KIAA1328: variants seen among roughly 807,000 people sequenced by gnomAD.
KIAA1328 encodes the protein KIAA1328, also known as protein hinderin.
In KIAA1328, 52 loss-of-function variants were observed where a neutral mutation model predicts 68.1. The observed-to-expected ratio is 0.76, with a 90% confidence interval of 0.61 to 0.96. KIAA1328 has a LOEUF of 0.96. Among genes scored for constraint, KIAA1328 ranks in the 40% least tolerant of loss-of-function variants. The pLI is 0.00. For synonymous variants in KIAA1328, 232 were observed against 239.4 expected (o/e 0.97, Z 0.28); for missense variants, 641 against 677.6 (o/e 0.95, Z 0.60).
chr18:36,993,581 A>G (rs1173855636), intron 6 of KIAA1328, among the ~76,000 whole-genome samples: 1 of 152,206 alleles, frequency 6.6e-6, no homozygotes, highest in African/African-American at 2.4e-5. Flanking sequence ...CACTTATCCA[A>G]AGTTTGAAAG....
chr18:36,844,082 G>T, intron 3 of KIAA1328, 126 bp from the exon 4 acceptor site: 1 of 585,474 alleles, frequency 1.7e-6, no homozygotes, highest in South Asian at 2.5e-5. Context: ...GGTTTAAATT[G>T]AAACAGGTAG....
chr18:37,194,727 C>A (rs2059971108), intron 9 of KIAA1328, among the ~76,000 whole-genome samples: 1 of 152,134 alleles, frequency 6.6e-6, no homozygotes, highest in Non-Finnish European at 1.5e-5. Context: ...GTGGCGGGAT[C>A]TCGGCTCACT....
At chr18:36,859,390 T>C (rs540440733) in intron 4 of KIAA1328, among the ~76,000 whole-genome samples, 145 of 152,192 alleles carry the variant, frequency 9.5e-4, no homozygotes, top group African/African-American at 3.2e-3. Flanking sequence ...TCAGTTTTCA[T>C]ATATATTGGC....
intron 6 of KIAA1328, among the ~76,000 whole-genome samples, chr18:36,962,854 C>A (rs564561285): frequency 1.9e-4 from 29 of 152,244 alleles, no homozygotes; most frequent in African/African-American, 6.0e-4. Flanking sequence ...TAATTGCCTA[C>A]AAGAGAAAGC....
chr18:36,862,376 T>C (rs908826139), intron 4 of KIAA1328, among the ~76,000 whole-genome samples: 1 of 152,252 alleles, frequency 6.6e-6, no homozygotes, highest in East Asian at 1.9e-4. Context: ...CCTTCTCTAA[T>C]TTCTTGGAAC....
At chr18:37,068,819 C>G (rs1367715577) in intron 7 of KIAA1328, among the ~76,000 whole-genome samples, 2 of 151,922 alleles carry the variant, frequency 1.3e-5, no homozygotes, top group East Asian at 1.9e-4. Flanking sequence ...GAGACAGGCT[C>G]TCACTCTGTT....
intron 7 of KIAA1328, among the ~76,000 whole-genome samples, chr18:37,096,695 G>T (rs915724308): frequency 3.9e-5 from 6 of 152,328 alleles, no homozygotes; most frequent in African/African-American, 1.4e-4. Context: ...CACCAACAGT[G>T]TAAAAGTGTT....
At chr18:37,017,593 T>G (rs2054195387) in intron 6 of KIAA1328, among the ~76,000 whole-genome samples, 1 of 152,176 alleles carries the variant, frequency 6.6e-6, no homozygotes, top group Admixed American at 6.5e-5. Context: ...TGTGTGACTG[T>G]TTAAGTTTTT....
At chr18:36,943,454 A>C (rs2050783363) in intron 5 of KIAA1328, among the ~76,000 whole-genome samples, 1 of 152,214 alleles carries the variant, frequency 6.6e-6, no homozygotes, top group African/African-American at 2.4e-5. Flanking sequence ...GGGCCAGATA[A>C]AGATAAACTG....
chr18:36,917,872 G>C (rs185811936), intron 5 of KIAA1328, among the ~76,000 whole-genome samples: 1 of 152,238 alleles, frequency 6.6e-6, no homozygotes, highest in East Asian at 1.9e-4. Flanking sequence ...AAAGTCATAA[G>C]AATGAAAAAT....
In KIAA1328 at chr18:37,053,963, G is replaced by GA. The variant is rs200354807; in HGVS notation, c.577-12914dup. Among the ~76,000 whole-genome samples the GA allele has an allele frequency of 9.9e-3, 1,224 of 123,530 alleles. 7 individuals are homozygous for GA. The highest frequency in any genetic ancestry group is 0.028 in the South Asian group (113 of 3,970). 81.0% of individuals were successfully genotyped at this position (123,530 alleles called of 152,430 possible). On this transcript the variant is annotated intron_variant, in intron 6 of 9. Coordinates refer to ENST00000280020, the MANE Select transcript of KIAA1328 (RefSeq NM_020776.3). ...ATAAGGAACTTAATCAGATCAACAA[G>GA]AAAAAAAAAAAAACATTAAAAAGTA...
At chr18:36,909,403 G>T (rs1004695309) in intron 5 of KIAA1328, among the ~76,000 whole-genome samples, 3 of 151,686 alleles carry the variant, frequency 2.0e-5, no homozygotes, top group East Asian at 3.9e-4. Flanking sequence ...TTGTCCCTGC[G>T]ATAGTTTGCT....
At chr18:37,172,306 A>C (rs1276252844) in intron 8 of KIAA1328, among the ~76,000 whole-genome samples, 1 of 152,248 alleles carries the variant, frequency 6.6e-6, no homozygotes, top group African/African-American at 2.4e-5. Flanking sequence ...TAATAACTGA[A>C]AAATAAAATA....
At chr18:37,139,106 G>T (rs990500033) in intron 7 of KIAA1328, among the ~76,000 whole-genome samples, 1 of 151,726 alleles carries the variant, frequency 6.6e-6, no homozygotes, top group Non-Finnish European at 1.5e-5. Flanking sequence ...ACAGGTGCCC[G>T]CCACCATGCC....
At position 37,041,200 on chromosome 18, in the gene KIAA1328, A is replaced by G. The variant is rs190614161; in HGVS notation, c.577-25690A>G. 2.3e-3 allele frequency among the ~76,000 whole-genome samples: 348 copies of G among 151,952 alleles called. 2 individuals carry two copies. The highest frequency in any genetic ancestry group is 4.8e-3 in the Admixed American group (73 of 15,280). On this transcript the variant is annotated intron_variant, in intron 6 of 9. Transcript: ENST00000280020. ...AGTTGTTTCTTTTTCAATTTTGTCA[A>G]TTTTTATTTCATGTGCCTTGGGACT...
At chr18:37,034,992 A>G (rs2054972056) in intron 6 of KIAA1328, among the ~76,000 whole-genome samples, 1 of 152,210 alleles carries the variant, frequency 6.6e-6, no homozygotes, top group Non-Finnish European at 1.5e-5. Flanking sequence ...ACCATGCAAG[A>G]CCTTTAAGGA....
chr18:36,992,703 G>C lies in KIAA1328; in HGVS notation c.576+33268G>C, dbSNP rs187202721. On this transcript the variant is annotated intron_variant, in intron 6 of 9. Transcript: ENST00000280020. ...TGTGAGGAGATAACGTTTGAGCTGA[G>C]ACCTCAAATATTAGAAACCAGCCAC... is the stretch of plus-strand genomic sequence containing the variant. Among the ~76,000 whole-genome samples the C allele has an allele frequency of 5.9e-5, 9 of 152,198 alleles. No homozygotes were observed. In the East Asian group the frequency reaches 1.7e-3, roughly 29 times the overall value.
intron 5 of KIAA1328, among the ~76,000 whole-genome samples, chr18:36,929,697 G>A (rs953924523): frequency 2.0e-5 from 3 of 152,054 alleles, no homozygotes; most frequent in Non-Finnish European, 1.5e-5. Context: ...TTATAAAAGA[G>A]GCTCCAGGAA....
At chr18:36,917,659 T>A (rs929894222) in intron 5 of KIAA1328, among the ~76,000 whole-genome samples, 2 of 152,246 alleles carry the variant, frequency 1.3e-5, no homozygotes, top group African/African-American at 4.8e-5. Flanking sequence ...TCTCTGTGTA[T>A]GTATATGCCA....
Sources: gnomAD v4.1 joint callset for allele counts (sites outside exome capture counted in the v4.1 genomes callset) on GRCh38, gnomAD v4.1.1 for gene constraint, MANE v1.5 for transcripts, NCBI Gene and HGNC (gene_info 2026-07-23, HGNC 2026-07-21) for gene names.